The following TBC1D9 variants were observed in gnomAD, a reference collection of about 807,000 sequenced individuals.
The protein encoded by TBC1D9 is TBC1 domain family member 9A.
A neutral mutation model predicts 132.0 loss-of-function variants in TBC1D9; 63 were observed. That is an observed-to-expected ratio of 0.48 (90% CI 0.39 to 0.59). TBC1D9 has a LOEUF of 0.59. Ranked by LOEUF, TBC1D9 falls within the 20% of genes least tolerant of loss-of-function variation. TBC1D9 has a pLI of 0.00. For missense variants in TBC1D9, 1,261 were observed against 1,592.7 expected, an observed-to-expected ratio of 0.79 and a Z score of 3.54; for synonymous variants, 610 against 609.9, an observed-to-expected ratio of 1.00 and a Z score of 0.00.
chr4:140,701,614 C>T lies in TBC1D9; in HGVS notation c.131G>A (p.Gly44Asp). ...GDGGGGGGLA[G>D]LLVGTLDVVL... Reference sequence around the variant, plus strand: ...AACATCAAGGGTACCCACCAGCAGGCCTGAGGGTGGAAAGTGGGGAGAAAC... The same window carrying T: ...AACATCAAGGGTACCCACCAGCAGGTCTGAGGGTGGAAAGTGGGGAGAAAC... The change falls in exon 2 of 21, where the codon GGC (glycine) becomes GAC (aspartate). Residue 44 changes from glycine to aspartate, a missense_variant and splice_region_variant. Gly to Asp is a moderately conservative substitution (Grantham distance 94). This residue lies in a region of TBC1D9 where 550 missense variants were observed against 699.0 expected (regional missense o/e 0.79). Transcript: ENST00000442267. 1 of 1,613,466 alleles carries T rather than the reference C, an allele frequency of 6.2e-7. No homozygotes were observed.
chr4:140,622,599 T>C lies in TBC1D9; in HGVS notation c.3397A>G (p.Ile1133Val), dbSNP rs779590610. 3 of 1,613,818 alleles carry C rather than the reference T, an allele frequency of 1.9e-6. No individual in the cohort carries two copies. Among genetic ancestry groups the C allele is most frequent in the African/African-American group, 1.3e-5 (1 of 74,950 alleles). The part of the protein sequence containing the change: ...EHSLGGQMED[I>V]KLEDSSPRDN... Reference sequence around the variant, plus strand: ...CGGGGCGAGGAGTCCTCCAGCTTGATGTCCTCCATTTGTCCTCCAAGGGAG... The same window carrying C: ...CGGGGCGAGGAGTCCTCCAGCTTGACGTCCTCCATTTGTCCTCCAAGGGAG... Residue 1133 changes from isoleucine to valine, a missense_variant, in exon 21 of 21, where the codon ATC becomes GTC. Around this residue, in one of 3 missense-constraint regions of TBC1D9, gnomAD observed 618 missense variants for 724.4 expected, o/e 0.85. Coordinates refer to ENST00000442267, the MANE Select transcript of TBC1D9 (RefSeq NM_015130.3).
chr4:140,709,985 C>G (rs921077159), intron 1 of TBC1D9, among the ~76,000 whole-genome samples: 10 of 152,188 alleles, frequency 6.6e-5, no homozygotes, highest in Non-Finnish European at 2.9e-5. Context: ...TGCAGCCTGA[C>G]AGTCAGGAAC....
At chr4:140,659,188 C>G (rs1209631518) in intron 11 of TBC1D9, among the ~76,000 whole-genome samples, 1 of 152,184 alleles carries the variant, frequency 6.6e-6, no homozygotes, top group East Asian at 1.9e-4. Flanking sequence ...CAATAAACCT[C>G]TATATTCTAT....
intron 1 of TBC1D9, among the ~76,000 whole-genome samples, chr4:140,709,095 C>A (rs1041914684): frequency 6.6e-6 from 1 of 152,046 alleles, no homozygotes; most frequent in South Asian, 2.1e-4. Flanking sequence ...TTGTTTTAAA[C>A]GGCCATCCAC....
chr4:140,739,911 C>A (rs949346471), intron 1 of TBC1D9, among the ~76,000 whole-genome samples: 11 of 152,096 alleles, frequency 7.2e-5, no homozygotes, highest in Admixed American at 2.0e-4. Context: ...AACAAGAGTT[C>A]CCTTTTGTTT....
chr4:140,670,311 A>G (rs2111009512), intron 7 of TBC1D9, among the ~76,000 whole-genome samples: 1 of 152,324 alleles, frequency 6.6e-6, no homozygotes, highest in Middle Eastern at 3.4e-3. Context: ...AGTGTTCCTG[A>G]ATGTTGGTCC....
chr4:140,749,576 A>G (rs950530927), intron 1 of TBC1D9, among the ~76,000 whole-genome samples: 4 of 152,118 alleles, frequency 2.6e-5, no homozygotes, highest in African/African-American at 9.7e-5. Context: ...TAATTCCAGC[A>G]CTTTGAGAGG....
chr4:140,690,035 C>G (rs1737852912), intron 2 of TBC1D9, among the ~76,000 whole-genome samples: 1 of 151,658 alleles, frequency 6.6e-6, no homozygotes, highest in Admixed American at 6.6e-5. Flanking sequence ...GTGCTTTATG[C>G]ATAAAGAAAG....
At chr4:140,727,781 A>G (rs1738523319) in intron 1 of TBC1D9, among the ~76,000 whole-genome samples, 1 of 152,192 alleles carries the variant, frequency 6.6e-6, no homozygotes, top group African/African-American at 2.4e-5. Flanking sequence ...GAATGAATGA[A>G]TGAGTGACGA....
At chr4:140,640,043 C>A (rs1736959683) in intron 13 of TBC1D9, among the ~76,000 whole-genome samples, 1 of 152,082 alleles carries the variant, frequency 6.6e-6, no homozygotes, top group African/African-American at 2.4e-5. Flanking sequence ...ACAAAGAAAC[C>A]CTGGTTAAAG....
chr4:140,658,742 C>T (rs1737310954), intron 11 of TBC1D9, among the ~76,000 whole-genome samples: 2 of 150,662 alleles, frequency 1.3e-5, no homozygotes, highest in Admixed American at 6.6e-5. Context: ...ACCTGGGAGG[C>T]GGAGGTTGTA....
At chr4:140,641,368 T>C in intron 13 of TBC1D9, among the ~76,000 whole-genome samples, 1 of 152,228 alleles carries the variant, frequency 6.6e-6, no homozygotes, top group Admixed American at 6.5e-5. Flanking sequence ...TCTTTATCAA[T>C]ACCTACTCCC....
intron 2 of TBC1D9, among the ~76,000 whole-genome samples, chr4:140,696,779 A>C (rs1172721497): frequency 6.6e-6 from 1 of 152,224 alleles, no homozygotes; most frequent in Non-Finnish European, 1.5e-5. Context: ...TGACAAGATC[A>C]AGGTTTATAG....
chr4:140,717,428 A>C (rs1022927894), intron 1 of TBC1D9, among the ~76,000 whole-genome samples: 12 of 152,250 alleles, frequency 7.9e-5, no homozygotes, highest in Non-Finnish European at 1.3e-4. Context: ...TGATTCAATA[A>C]TGGCAATGAT....
chr4:140,666,437 G>A (rs760622301), intron 9 of TBC1D9, among the ~76,000 whole-genome samples: 4 of 152,164 alleles, frequency 2.6e-5, no homozygotes, highest in Non-Finnish European at 5.9e-5. Flanking sequence ...CCGGGTTCAC[G>A]CCATTCTCCT....
intron 2 of TBC1D9, among the ~76,000 whole-genome samples, chr4:140,693,969 T>A (rs1737913401): frequency 6.6e-6 from 1 of 152,220 alleles, no homozygotes; most frequent in Admixed American, 6.5e-5. Flanking sequence ...CTTATTTTAC[T>A]GGATAGTGGG....
intron 1 of TBC1D9, among the ~76,000 whole-genome samples, chr4:140,707,848 C>T (rs1227584790): frequency 6.6e-6 from 1 of 152,048 alleles, no homozygotes; most frequent in Non-Finnish European, 1.5e-5. Flanking sequence ...CTCCGGCACG[C>T]TCCCAACCAA....
chr4:140,644,865 G>C, intron 13 of TBC1D9: 1 of 430,530 alleles, frequency 2.3e-6, no homozygotes, highest in Non-Finnish European at 4.6e-6. Flanking sequence ...GGCCCGACTG[G>C]GAGTCCCTGA....
intron 15 of TBC1D9, among the ~76,000 whole-genome samples, chr4:140,635,946 C>T (rs1402653779): frequency 6.6e-6 from 1 of 152,124 alleles, no homozygotes; most frequent in Non-Finnish European, 1.5e-5. Flanking sequence ...CTGTGGGCAG[C>T]ATGGTGTTGG....
Sources: allele counts gnomAD v4.1 joint callset (sites outside exome capture counted in the v4.1 genomes callset), GRCh38; gene constraint gnomAD v4.1.1; regional missense constraint gnomAD v4.1.1; transcripts MANE v1.5; gene names NCBI Gene and HGNC (gene_info 2026-07-23, HGNC 2026-07-21).